Variants in CUX2 observed in about 807,000 individuals in gnomAD.
CUX2 encodes homeobox protein cut-like 2.
A neutral mutation model predicts 144.8 loss-of-function variants in CUX2; 40 were observed. That is an observed-to-expected ratio of 0.28 (90% CI 0.21 to 0.36). CUX2 has a LOEUF of 0.36. CUX2 is among the 10% of genes least tolerant of loss of function. The probability of loss-of-function intolerance (pLI) is 1.00; values close to 1 mark genes in which losing one functional copy is unlikely to be tolerated. For missense variants in CUX2, 1,615 were observed against 1,994.0 expected, an observed-to-expected ratio of 0.81 and a Z score of 3.62; for synonymous variants, 827 against 875.6, an observed-to-expected ratio of 0.94 and a Z score of 0.98.
In CUX2 at chr12:111,037,781, A is replaced by G. The variant is rs1285258881; in HGVS notation, c.63+3541A>G. Reference sequence around the variant, plus strand: ...ATTTTCTTTTTCTGCTTAACTTTCTACTTTTTTTTTTTACCATGCTCTGGG... The same window carrying G: ...ATTTTCTTTTTCTGCTTAACTTTCTGCTTTTTTTTTTTACCATGCTCTGGG... On this transcript the variant is annotated intron_variant, in intron 1 of 21. Transcript: ENST00000261726. The surrounding 1 kb of genome is among the most constrained non-coding windows in gnomAD (Gnocchi z 5.4). 6.7e-6 allele frequency among the ~76,000 whole-genome samples: 1 copy of G among 148,924 alleles called. No individual in the cohort carries two copies. Among genetic ancestry groups the G allele is most frequent in the Non-Finnish European group, 1.5e-5 (1 of 67,260 alleles).
rs751731331 is a variant in CUX2 at position 111,320,126 on chromosome 12, C to A, written c.2117C>A (p.Ala706Glu). The A allele has an allele frequency of 6.4e-7, 1 of 1,556,346 alleles. No individual in the cohort carries two copies. The highest frequency in any genetic ancestry group is 1.7e-4 in the Middle Eastern group (1 of 5,872). The part of the protein sequence containing the change: ...ILEQARREMQ[A>E]QQQALLEMEV... Reference sequence around the variant, plus strand: ...GAGCAGGCACGCCGTGAGATGCAGGCGCAACAGCAGGCGCTGCTGGAGATG... The same window carrying A: ...GAGCAGGCACGCCGTGAGATGCAGGAGCAACAGCAGGCGCTGCTGGAGATG... Residue 706 changes from alanine to glutamate, a missense_variant, in exon 17 of 22, where the codon GCG becomes GAG. Coordinates refer to ENST00000261726, the MANE Select transcript of CUX2 (RefSeq NM_015267.4). This position sits in a 1 kb window ranked among gnomAD's most constrained non-coding sequence, Gnocchi z 8.1.
chr12:111,246,842 G>T lies in CUX2; in HGVS notation c.223-16919G>T, dbSNP rs141448236. ...AGCCCTCCTAGCTGTGCCCTGCAGG[G>T]TACATGACTCCGTCCTTGACTGTCC... is the stretch of plus-strand genomic sequence containing the variant. On this transcript the variant is annotated intron_variant, in intron 3 of 21. Transcript: ENST00000261726. This position sits in a 1 kb window ranked among gnomAD's most constrained non-coding sequence, Gnocchi z 4.0. Among the ~76,000 whole-genome samples, 1 of 152,188 alleles carries T rather than the reference G, an allele frequency of 6.6e-6. No individual in the cohort carries two copies. The highest frequency in any genetic ancestry group is 1.9e-4 in the East Asian group (1 of 5,160).
rs897058625 is a variant in CUX2, at chr12:111,255,496, C to T, written c.223-8265C>T. On this transcript the variant is annotated intron_variant, in intron 3 of 21. Transcript: ENST00000261726. The surrounding 1 kb of genome is among the most constrained non-coding windows in gnomAD (Gnocchi z 4.1). ...GGCCTCCCGTCCCCCACCTACCTGC[C>T]GGCCTGGCTCCTCCAGCTCTTTTGG... is the stretch of plus-strand genomic sequence containing the variant. Among the ~76,000 whole-genome samples the T allele has an allele frequency of 6.6e-6, 1 of 152,166 alleles. No individual in the cohort carries two copies. The highest frequency in any genetic ancestry group is 2.4e-5 in the African/African-American group (1 of 41,440).
intron 1 of CUX2, chr12:111,099,724 G>C: frequency 2.2e-6 from 1 of 456,308 alleles, no homozygotes; most frequent in Non-Finnish European, 4.4e-6. Flanking sequence ...GGTTTATTGG[G>C]CGCCGAAACT....
chr12:111,300,761 C>T (rs1886251000), intron 9 of CUX2, among the ~76,000 whole-genome samples: 1 of 152,134 alleles, frequency 6.6e-6, no homozygotes, highest in South Asian at 2.1e-4. Flanking sequence ...GGCAAGACTG[C>T]ACACAATAGC....
At chr12:111,188,310 A>G (rs1879677090) in intron 1 of CUX2, among the ~76,000 whole-genome samples, 4 of 152,360 alleles carry the variant, frequency 2.6e-5, no homozygotes, top group Admixed American at 2.6e-4. Flanking sequence ...GAGGAGGAGC[A>G]GGTGCTGTGT....
intron 1 of CUX2, among the ~76,000 whole-genome samples, chr12:111,050,712 GC>G (rs1870222558): frequency 2.0e-5 from 3 of 152,118 alleles, no homozygotes; most frequent in East Asian, 3.9e-4. Context: ...TTGGACCCAT[GC>G]CCCCATTGCC....
rs1877671999 is a variant in CUX2 at position 111,160,327 on chromosome 12, G to A, written c.64-53873G>A. Among the ~76,000 whole-genome samples the A allele has an allele frequency of 6.6e-6, 1 of 152,208 alleles. No individual in the cohort carries two copies. The highest frequency in any genetic ancestry group is 2.4e-5 in the African/African-American group (1 of 41,460). On this transcript the variant is annotated intron_variant, in intron 1 of 21. Transcript: ENST00000261726. This position sits in a 1 kb window ranked among gnomAD's most constrained non-coding sequence, Gnocchi z 4.1. ...GGAATCAGACCAGTCAGAGATAGGT[G>A]TGTCTGGCCTGTGTGTGCAGGGTGC...
At chr12:111,254,821 A>G (rs1384228725) in intron 3 of CUX2, among the ~76,000 whole-genome samples, 4 of 152,126 alleles carry the variant, frequency 2.6e-5, no homozygotes, top group Non-Finnish European at 5.9e-5. Flanking sequence ...CAGGTGGCCA[A>G]ATGCGTTAAT....
At chr12:111,330,094 T>C (rs548085955) in intron 18 of CUX2, among the ~76,000 whole-genome samples, 3 of 152,304 alleles carry the variant, frequency 2.0e-5, no homozygotes, top group Non-Finnish European at 4.4e-5. Context: ...CACGTCAGCC[T>C]TGGCATCACA....
At chr12:111,184,766 G>T (rs1251265860) in intron 1 of CUX2, among the ~76,000 whole-genome samples, 3 of 151,766 alleles carry the variant, frequency 2.0e-5, no homozygotes, top group African/African-American at 7.3e-5. Context: ...CAAAAGAAAA[G>T]AAAATGACAC....
chr12:111,220,961 A>T (rs34307655), intron 3 of CUX2, among the ~76,000 whole-genome samples: 1 of 143,644 alleles, frequency 7.0e-6, no homozygotes, highest in Non-Finnish European at 1.5e-5. Context: ...AAAAAAAAAA[A>T]GGAAAAAGGA....
At chr12:111,282,131 C>A (rs1885140554) in intron 4 of CUX2, among the ~76,000 whole-genome samples, 1 of 151,664 alleles carries the variant, frequency 6.6e-6, no homozygotes, top group South Asian at 2.1e-4. Flanking sequence ...ACCATCCTGG[C>A]TAACACGGTG....
chr12:111,141,363 T>C (rs1479584459), intron 1 of CUX2, among the ~76,000 whole-genome samples: 1 of 152,154 alleles, frequency 6.6e-6, no homozygotes, highest in East Asian at 1.9e-4. Context: ...GGATAAAGTA[T>C]TTCCTGTCTC....
At chr12:111,076,621 C>G (rs1473245976) in intron 1 of CUX2, among the ~76,000 whole-genome samples, 1 of 152,200 alleles carries the variant, frequency 6.6e-6, no homozygotes, top group Non-Finnish European at 1.5e-5. Flanking sequence ...AGCATAGATA[C>G]AACTCACCCT....
At chr12:111,195,457 G>T (rs1166266916) in intron 1 of CUX2, among the ~76,000 whole-genome samples, 1 of 152,232 alleles carries the variant, frequency 6.6e-6, no homozygotes, top group Non-Finnish European at 1.5e-5. Context: ...GGCCAGCGGG[G>T]CATCACTGGG....
chr12:111,205,918 C>G (rs1278409108), intron 1 of CUX2, among the ~76,000 whole-genome samples: 1 of 152,190 alleles, frequency 6.6e-6, no homozygotes. Flanking sequence ...TACTGTGTAT[C>G]AGGAACTCTT....
intron 1 of CUX2, among the ~76,000 whole-genome samples, chr12:111,118,576 C>T (rs948502072): frequency 3.9e-5 from 6 of 152,142 alleles, no homozygotes; most frequent in African/African-American, 7.2e-5. Flanking sequence ...CTGTACCATT[C>T]GCCTCCACCA....
chr12:111,134,620 C>CTCTGTGTGTG (rs1026548098), intron 1 of CUX2, among the ~76,000 whole-genome samples: 10 of 142,130 alleles, frequency 7.0e-5, no homozygotes, highest in African/African-American at 2.5e-4. Flanking sequence ...CTCTCTCTCT[C>CTCTGTGTGTG]TGTGTGTGTG....
Sources: gnomAD v4.1 joint callset for allele counts (sites outside exome capture counted in the v4.1 genomes callset) on GRCh38, gnomAD v4.1.1 for gene constraint, Gnocchi (gnomAD v3.1) non-coding constraint, MANE v1.5 for transcripts, NCBI Gene and HGNC (gene_info 2026-07-23, HGNC 2026-07-21) for gene names.